The following ARHGEF9 variants were observed in gnomAD, a reference collection of about 807,000 sequenced individuals.
ARHGEF9 encodes the protein rho guanine nucleotide exchange factor 9.
ARHGEF9 carries 2 observed loss-of-function variants against 41.3 expected under a neutral mutation model. The ratio of observed to expected loss-of-function variants is 0.05; its 90% CI spans 0.02 to 0.15. ARHGEF9 has a LOEUF of 0.15. Ranked by LOEUF, ARHGEF9 falls within the 10% of genes least tolerant of loss-of-function variation. The probability of loss-of-function intolerance (pLI) is 1.00; values close to 1 mark genes in which losing one functional copy is unlikely to be tolerated. For missense variants in ARHGEF9, 225 were observed against 424.7 expected (o/e 0.53, Z 4.13); for synonymous variants, 160 against 154.4 (o/e 1.04, Z -0.27).
chrX:63,725,385 G>A (rs1279133247), intron 1 of ARHGEF9, among the ~76,000 whole-genome samples: 1 of 112,065 alleles, frequency 8.9e-6, no homozygotes, highest in Admixed American at 9.4e-5. Flanking sequence ...CAACCATCCT[G>A]TGAGATACAG....
At chrX:63,762,079 A>G (rs1362060181) in intron 1 of ARHGEF9, among the ~76,000 whole-genome samples, 3 of 111,780 alleles carry the variant, frequency 2.7e-5, no homozygotes, top group African/African-American at 9.8e-5. Context: ...TCAGTATCAG[A>G]ACCCAGTGTT....
intron 9 of ARHGEF9, among the ~76,000 whole-genome samples, chrX:63,643,242 A>C (rs1556308306): frequency 8.9e-6 from 1 of 112,240 alleles, no homozygotes; most frequent in Admixed American, 9.5e-5. Context: ...AGTTAAGAGA[A>C]AGAGAATATC....
chrX:63,682,377 T>C (rs1438636150), intron 4 of ARHGEF9, among the ~76,000 whole-genome samples: 1 of 109,253 alleles, frequency 9.2e-6, no homozygotes, highest in African/African-American at 3.3e-5. Context: ...TAGCCAGGCG[T>C]GGTGGCGGGC....
rs376471086 is a variant in ARHGEF9, at chrX:63,678,325, C to A, written c.815+15G>T. ...GAAGTTCCCTCATTCACTCCTGACT[C>A]CCTCGATCCCTTACCTGTGGTCTTG... On this transcript the variant is annotated intron_variant, in intron 5 of 9. Coordinates refer to ENST00000671741, the MANE Select transcript of ARHGEF9 (RefSeq NM_001353921.2). 1.3e-5 allele frequency: 15 copies of A among 1,168,409 alleles called. No homozygotes were observed. Among genetic ancestry groups the A allele is most frequent in the African/African-American group, 1.8e-5 (1 of 56,237 alleles).
intron 1 of ARHGEF9, among the ~76,000 whole-genome samples, chrX:63,743,977 G>A (rs782576154): frequency 2.7e-5 from 3 of 111,877 alleles, no homozygotes; most frequent in Admixed American, 9.5e-5. Flanking sequence ...GACATGGGCC[G>A]GGTCACAGGG....
At chrX:63,706,129 G>T in intron 3 of ARHGEF9, 129 bp downstream of exon 3, 2 of 711,465 alleles carry the variant, frequency 2.8e-6, no homozygotes, top group Non-Finnish European at 4.2e-6. Flanking sequence ...TAAGGAAGCA[G>T]TTTCACCTCA....
intron 6 of ARHGEF9, among the ~76,000 whole-genome samples, chrX:63,667,153 G>T (rs1299701863): frequency 8.9e-6 from 1 of 111,986 alleles, no homozygotes; most frequent in South Asian, 3.8e-4. Context: ...GCACCTATAT[G>T]AGTCAGACAG....
At chrX:63,705,069 G>A (rs1419353793) in intron 3 of ARHGEF9, among the ~76,000 whole-genome samples, 1 of 112,264 alleles carries the variant, frequency 8.9e-6, no homozygotes, top group Admixed American at 9.4e-5. Context: ...CCATTTCTCA[G>A]TCATACCAGC....
intron 7 of ARHGEF9, among the ~76,000 whole-genome samples, chrX:63,658,294 G>C (rs1384216762): frequency 1.8e-5 from 2 of 111,938 alleles, no homozygotes; most frequent in East Asian, 5.6e-4. Context: ...CGCTAGATTT[G>C]TCATAAGCCA....
chrX:63,731,165 A>G (rs2054257328), intron 1 of ARHGEF9, among the ~76,000 whole-genome samples: 1 of 112,125 alleles, frequency 8.9e-6, no homozygotes, highest in South Asian at 3.8e-4. Flanking sequence ...AAGGAGGGAC[A>G]TGACAGGGGT....
Position 63,706,279 on chromosome X carries a change from C to T in ARHGEF9, c.381G>A (p.Lys127=), listed in dbSNP as rs55818901. The T allele has an allele frequency of 1.2e-5, 15 of 1,201,804 alleles. No individual in the cohort carries two copies. The African/African-American group carries it at 2.1e-4, about 17-fold the overall frequency. Reference sequence around the variant, plus strand: ...TTACCTCACAAATATCCTTGAGGTGCTTGATGTAGTGACGCTCAGTGCTCA... The same window carrying T: ...TTACCTCACAAATATCCTTGAGGTGTTTGATGTAGTGACGCTCAGTGCTCA... ...EIMSTERHYI[K]HLKDICEGYL... Residue 127 remains lysine (K), a synonymous_variant, in exon 3 of 10, where the codon AAG becomes AAA. Coordinates refer to ENST00000671741, the MANE Select transcript of ARHGEF9 (RefSeq NM_001353921.2).
At chrX:63,673,323 G>C (rs782616315) in intron 6 of ARHGEF9, among the ~76,000 whole-genome samples, 21 of 111,303 alleles carry the variant, frequency 1.9e-4, no homozygotes, top group Non-Finnish European at 3.6e-4. Flanking sequence ...CTAGTAGCAC[G>C]TCCAGCCTCT....
At chrX:63,699,687 T>A (rs1556393179) in intron 3 of ARHGEF9, among the ~76,000 whole-genome samples, 1 of 112,152 alleles carries the variant, frequency 8.9e-6, no homozygotes, top group Non-Finnish European at 1.9e-5. Flanking sequence ...GACCTTAGAA[T>A]GTTTTATCAA....
chrX:63,732,910 C>T (rs1458721131), intron 1 of ARHGEF9, among the ~76,000 whole-genome samples: 1 of 111,840 alleles, frequency 8.9e-6, no homozygotes, highest in African/African-American at 3.3e-5. Flanking sequence ...TTCTTCCTAG[C>T]TGTGTGATTG....
At chrX:63,766,292 G>T (rs1173622635) in intron 1 of ARHGEF9, among the ~76,000 whole-genome samples, 1 of 111,835 alleles carries the variant, frequency 8.9e-6, no homozygotes, top group Non-Finnish European at 1.9e-5. Flanking sequence ...GAAATGGAGG[G>T]AGGGAGAAAG....
intron 4 of ARHGEF9, among the ~76,000 whole-genome samples, chrX:63,683,067 A>C (rs782665853): frequency 1.8e-5 from 2 of 110,708 alleles, no homozygotes; most frequent in East Asian, 5.7e-4. Context: ...TAAGATGATT[A>C]TATATGTAGA....
At chrX:63,781,110 T>C (rs1423822840) in intron 1 of ARHGEF9, among the ~76,000 whole-genome samples, 3 of 112,325 alleles carry the variant, frequency 2.7e-5, no homozygotes, top group African/African-American at 9.7e-5. Context: ...TGAGTGCACA[T>C]TGTAGTTTAT....
intron 1 of ARHGEF9, among the ~76,000 whole-genome samples, chrX:63,741,155 GT>G (rs1556426079): frequency 2.7e-5 from 3 of 112,677 alleles, no homozygotes; most frequent in African/African-American, 9.7e-5. Context: ...CTCCACAATG[GT>G]TTGTAAGTGA....
intron 6 of ARHGEF9, among the ~76,000 whole-genome samples, chrX:63,668,678 T>C (rs1463374790): frequency 7.2e-5 from 8 of 111,844 alleles, no homozygotes; most frequent in Admixed American, 1.9e-4. Flanking sequence ...CACTATAAGC[T>C]CAACATAAGT....
Sources: gnomAD v4.1 joint callset for allele counts (sites outside exome capture counted in the v4.1 genomes callset) on GRCh38, gnomAD v4.1.1 for gene constraint, MANE v1.5 for transcripts, NCBI Gene and HGNC (gene_info 2026-07-23, HGNC 2026-07-21) for gene names.